The following SNTG2 variants were observed in gnomAD, a reference collection of about 807,000 sequenced individuals.
The protein encoded by SNTG2 is syntrophin gamma 2.
SNTG2 carries 74 observed loss-of-function variants against 70.9 expected under a neutral mutation model. That is an observed-to-expected ratio of 1.04 (90% CI 0.86 to 1.27). The LOEUF (loss-of-function observed/expected upper bound fraction) is 1.27, where lower values mean the gene tolerates loss of function less well. Ranked by LOEUF, SNTG2 falls within the 50% of genes most tolerant of loss-of-function variation. The pLI is 0.00. For missense variants in SNTG2, 717 were observed against 690.7 expected (o/e 1.04, Z -0.43); for synonymous variants, 278 against 273.8 (o/e 1.02, Z -0.15).
chr2:1,282,969 C>T (rs1255043507), intron 14 of SNTG2, among the ~76,000 whole-genome samples: 2 of 152,194 alleles, frequency 1.3e-5, no homozygotes, highest in Non-Finnish European at 2.9e-5. Context: ...CCAAAAGGCA[C>T]AAAATACAGA....
At chr2:1,268,155 C>T (rs773984429) in intron 14 of SNTG2, among the ~76,000 whole-genome samples, 2 of 152,098 alleles carry the variant, frequency 1.3e-5, no homozygotes, top group East Asian at 1.9e-4. Context: ...TCCTAAATAG[C>T]GGGATGATCC....
intron 13 of SNTG2, among the ~76,000 whole-genome samples, chr2:1,266,407 G>A (rs1042362512): frequency 2.6e-5 from 4 of 152,322 alleles, no homozygotes; most frequent in East Asian, 1.9e-4. Context: ...GGCAGCATCC[G>A]AATCGCCGAG....
At chr2:1,357,845 G>T (rs140027763) in intron 16 of SNTG2, among the ~76,000 whole-genome samples, 1 of 150,890 alleles carries the variant, frequency 6.6e-6, no homozygotes, top group East Asian at 2.0e-4. Flanking sequence ...TTCTTCTGTG[G>T]CATCATTTAT....
intron 8 of SNTG2, among the ~76,000 whole-genome samples, chr2:1,177,680 A>G (rs563959725): frequency 6.8e-6 from 1 of 147,906 alleles, no homozygotes; most frequent in Non-Finnish European, 1.5e-5. Flanking sequence ...AAAGAAAAAA[A>G]TAATATATTT....
chr2:1,240,941 A>T (rs1296050296), intron 11 of SNTG2, among the ~76,000 whole-genome samples: 2 of 152,140 alleles, frequency 1.3e-5, no homozygotes, highest in Non-Finnish European at 2.9e-5. Flanking sequence ...TCATTTCCCT[A>T]CTATGTGTTT....
chr2:1,187,382 T>C (rs947706061), intron 8 of SNTG2, among the ~76,000 whole-genome samples: 1 of 152,078 alleles, frequency 6.6e-6, no homozygotes, highest in Admixed American at 6.6e-5. Flanking sequence ...TCCAATCAGT[T>C]GAAGGCCTTA....
intron 1 of SNTG2, among the ~76,000 whole-genome samples, chr2:1,036,119 G>A (rs529000076): frequency 4.6e-5 from 7 of 151,964 alleles, no homozygotes; most frequent in African/African-American, 7.2e-5. Flanking sequence ...TTTAACTTAC[G>A]GTTTATTAGC....
At chr2:973,355 C>T (rs979544610) in intron 1 of SNTG2, among the ~76,000 whole-genome samples, 3 of 152,000 alleles carry the variant, frequency 2.0e-5, no homozygotes, top group Non-Finnish European at 2.9e-5. Context: ...AAAGTTTTTT[C>T]AGTGTTTTTT....
At chr2:1,103,391 A>ATT in intron 4 of SNTG2, 17 of 234,012 alleles carry the variant, frequency 7.3e-5, no homozygotes, top group Middle Eastern at 1.8e-3. Context: ...TTTTTTTTTT[A>ATT]TTTTTTTTTT....
chr2:1,272,568 G>T (rs1306006077), intron 14 of SNTG2, among the ~76,000 whole-genome samples: 1 of 150,920 alleles, frequency 6.6e-6, no homozygotes, highest in East Asian at 2.0e-4. Flanking sequence ...CAGGGAACAG[G>T]TGTAGAAAGG....
At chr2:1,005,753 G>A (rs1368740257) in intron 1 of SNTG2, among the ~76,000 whole-genome samples, 15 of 138,946 alleles carry the variant, frequency 1.1e-4, no homozygotes, top group Non-Finnish European at 1.7e-4. Flanking sequence ...GCAGTGAGCC[G>A]AGATTGCACC....
At chr2:1,041,314 T>C (rs903863732) in intron 1 of SNTG2, among the ~76,000 whole-genome samples, 1 of 152,230 alleles carries the variant, frequency 6.6e-6, no homozygotes, top group South Asian at 2.1e-4. Context: ...CAGGAAGATC[T>C]TTATTTTAAA....
intron 1 of SNTG2, among the ~76,000 whole-genome samples, chr2:1,065,919 T>C (rs1315515364): frequency 6.6e-6 from 1 of 152,188 alleles, no homozygotes; most frequent in African/African-American, 2.4e-5. Context: ...TGAAGATAAC[T>C]TACAGGTTAC....
At chr2:1,063,002 T>C (rs4640416) in intron 1 of SNTG2, among the ~76,000 whole-genome samples, 85,471 of 151,988 alleles carry the variant, frequency 0.56, 24,370 homozygotes, top group East Asian at 0.68. Context: ...TAGACATTTC[T>C]ACTGTTCGTT....
At position 1,135,026 on chromosome 2, in the gene SNTG2, C is replaced by G. The variant is rs549187134; in HGVS notation, c.326-2596C>G. ...CAATTCATCGTCATCTCATTAAACCCCAGGCCCTGCAAAAAAGTCTGGGTC... is the reference window on the plus strand; with the variant it reads ...CAATTCATCGTCATCTCATTAAACCGCAGGCCCTGCAAAAAAGTCTGGGTC... On this transcript the variant is annotated intron_variant, in intron 4 of 16. Transcript: ENST00000308624. Among the ~76,000 whole-genome samples, 4 of 152,318 alleles carry G rather than the reference C, an allele frequency of 2.6e-5. 1 individual carries two copies. The highest frequency in any genetic ancestry group is 9.6e-5 in the African/African-American group (4 of 41,586).
intron 16 of SNTG2, among the ~76,000 whole-genome samples, chr2:1,321,070 A>G (rs1043537424): frequency 2.0e-5 from 3 of 152,230 alleles, no homozygotes; most frequent in Non-Finnish European, 2.9e-5. Context: ...GAAACTGCCA[A>G]ATATACTCAC....
chr2:1,153,199 G>C (rs559272334), intron 6 of SNTG2, among the ~76,000 whole-genome samples: 5 of 151,560 alleles, frequency 3.3e-5, no homozygotes, highest in African/African-American at 1.2e-4. Flanking sequence ...GCCCAGCCAA[G>C]TTGACCACAG....
intron 7 of SNTG2, among the ~76,000 whole-genome samples, chr2:1,168,953 C>T (rs1670939412): frequency 6.6e-6 from 1 of 152,146 alleles, no homozygotes; most frequent in Non-Finnish European, 1.5e-5. Flanking sequence ...TGGTGCACCC[C>T]TGGGGTTTTG....
At chr2:1,334,148 T>C (rs1362672524) in intron 16 of SNTG2, among the ~76,000 whole-genome samples, 1 of 152,132 alleles carries the variant, frequency 6.6e-6, no homozygotes, top group Non-Finnish European at 1.5e-5. Context: ...GAATAGGCAA[T>C]TCTCAAAAGA....
Sources: allele counts gnomAD v4.1 joint callset (sites outside exome capture counted in the v4.1 genomes callset), GRCh38; gene constraint gnomAD v4.1.1; transcripts MANE v1.5; gene names NCBI Gene and HGNC (gene_info 2026-07-23, HGNC 2026-07-21).